ALMS1: variants seen among roughly 807,000 people sequenced by gnomAD.
ALMS1 encodes ALMS1 centrosome and basal body associated protein.
In ALMS1, 271 loss-of-function variants were observed where a neutral mutation model predicts 352.2. The ratio of observed to expected loss-of-function variants is 0.77; its 90% CI spans 0.70 to 0.85. The LOEUF is 0.85. ALMS1 is among the 40% of genes least tolerant of loss of function. The pLI is 0.00. For synonymous variants in ALMS1, 1,865 were observed against 1,761.2 expected, an observed-to-expected ratio of 1.06 and a Z score of -1.48; for missense variants, 5,445 against 4,870.7, an observed-to-expected ratio of 1.12 and a Z score of -3.51.
intron 4 of ALMS1, among the ~76,000 whole-genome samples, chr2:73,423,782 C>CT (rs1189442067): frequency 3.3e-4 from 49 of 148,476 alleles, no homozygotes; most frequent in African/African-American, 7.4e-4. Flanking sequence ...TGTTTGTTTG[C>CT]TTTTTTTTTT....
At chr2:73,401,204 C>G (rs187704572) in intron 1 of ALMS1, among the ~76,000 whole-genome samples, 6 of 152,236 alleles carry the variant, frequency 3.9e-5, no homozygotes, top group African/African-American at 1.4e-4. Context: ...CTGATTTTCT[C>G]TCTTTATTTG....
rs1558648623 is a variant in ALMS1 at position 73,449,926 on chromosome 2, GA to G, written c.3400del (p.Thr1134LeufsTer6). ...SVAPGLADQK[T>X]GTPTVTSTSY... Reference sequence around the variant, plus strand: ...TAGCTCCTGGACTAGCAGACCAGAAGACTGGCACACCAACTGTAACCTCAAC... The same window carrying G: ...TAGCTCCTGGACTAGCAGACCAGAAGCTGGCACACCAACTGTAACCTCAAC... On this transcript the variant is annotated frameshift_variant, in exon 8 of 23. Coordinates refer to ENST00000613296, the MANE Select transcript of ALMS1 (RefSeq NM_001378454.1). LOFTEE classifies it high-confidence loss of function. 6.2e-7 allele frequency: 1 copy of G among 1,613,750 alleles called. No individual in the cohort carries two copies. Among genetic ancestry groups the G allele is most frequent in the Non-Finnish European group, 8.5e-7 (1 of 1,179,954 alleles).
intron 7 of ALMS1, among the ~76,000 whole-genome samples, chr2:73,439,001 T>A (rs371293025): frequency 0.021 from 2,927 of 137,220 alleles, 106 homozygotes; most frequent in African/African-American, 0.079. Context: ...TTCTTCCTCT[T>A]CTTCCTCTCC....
chr2:73,392,260 ATG>A (rs60487895), intron 1 of ALMS1, among the ~76,000 whole-genome samples: 43,344 of 146,162 alleles, frequency 0.3, 7,868 homozygotes, highest in African/African-American at 0.53. Context: ...GTTTACTTTG[ATG>A]TGTGTGTGTG....
At chr2:73,402,796 A>G (rs938457595) in intron 1 of ALMS1, among the ~76,000 whole-genome samples, 2 of 152,126 alleles carry the variant, frequency 1.3e-5, no homozygotes, top group East Asian at 1.9e-4. Context: ...ATATCTTTTC[A>G]TATGCTGATT....
intron 7 of ALMS1, among the ~76,000 whole-genome samples, chr2:73,442,354 A>T (rs1319959178): frequency 6.6e-6 from 1 of 152,178 alleles, no homozygotes; most frequent in Non-Finnish European, 1.5e-5. Flanking sequence ...GGGCACTGCT[A>T]TTATTCTATT....
chr2:73,480,808 G>A (rs1166872810), intron 9 of ALMS1, among the ~76,000 whole-genome samples: 4 of 151,494 alleles, frequency 2.6e-5, no homozygotes, highest in Admixed American at 2.0e-4. Flanking sequence ...GTTTTGATTT[G>A]CATTTCTCTG....
intron 10 of ALMS1, among the ~76,000 whole-genome samples, chr2:73,510,131 A>T (rs988274337): frequency 6.6e-6 from 1 of 152,090 alleles, no homozygotes; most frequent in Admixed American, 6.5e-5. Flanking sequence ...CCTTTTATCA[A>T]TGTTCTTAGC....
intron 9 of ALMS1, among the ~76,000 whole-genome samples, chr2:73,485,743 C>T (rs184747754): frequency 3.0e-4 from 46 of 152,222 alleles, no homozygotes; most frequent in African/African-American, 9.9e-4. Context: ...GGGCCTAGGA[C>T]GCTCGGAGCC....
chr2:73,467,795 A>G (rs1672387271), intron 9 of ALMS1, among the ~76,000 whole-genome samples: 1 of 152,110 alleles, frequency 6.6e-6, no homozygotes, highest in South Asian at 2.1e-4. Flanking sequence ...CAACCTTGAA[A>G]GCTGTCACAC....
intron 15 of ALMS1, among the ~76,000 whole-genome samples, chr2:73,562,281 T>C (rs1429911792): frequency 6.6e-6 from 1 of 152,132 alleles, no homozygotes; most frequent in Non-Finnish European, 1.5e-5. Flanking sequence ...TCTTCCCACC[T>C]CAGCCTGTAG....
In ALMS1 at chr2:73,543,710, A is replaced by G. The variant is rs569264878; in HGVS notation, c.9908-6557A>G. On this transcript the variant is annotated intron_variant, in intron 12 of 22. Coordinates refer to ENST00000613296, the MANE Select transcript of ALMS1 (RefSeq NM_001378454.1). Reference sequence around the variant, plus strand: ...CCCCATCAACAAGTGGGCGAAGGATATGAACAGACACTTCTCAAAAGAAGA... The same window carrying G: ...CCCCATCAACAAGTGGGCGAAGGATGTGAACAGACACTTCTCAAAAGAAGA... Among the ~76,000 whole-genome samples, 4 of 152,370 alleles carry G rather than the reference A, an allele frequency of 2.6e-5. No individual in the cohort carries two copies. In the South Asian group the frequency reaches 6.2e-4, roughly 24 times the overall value.
intron 7 of ALMS1, among the ~76,000 whole-genome samples, chr2:73,445,501 C>T (rs10519309): frequency 0.059 from 8,999 of 152,006 alleles, 435 homozygotes; most frequent in East Asian, 0.22. Flanking sequence ...TGACTTGGAA[C>T]GATTACTAGT....
intron 9 of ALMS1, 47 bp from the exon 10 acceptor site, chr2:73,489,587 C>T: frequency 6.2e-7 from 1 of 1,604,736 alleles, no homozygotes; most frequent in Non-Finnish European, 8.5e-7. Flanking sequence ...TTGTTTATAA[C>T]TACTTGGACT....
chr2:73,402,604 C>T (rs974578314), intron 1 of ALMS1, among the ~76,000 whole-genome samples: 31 of 152,184 alleles, frequency 2.0e-4, no homozygotes, highest in African/African-American at 6.7e-4. Context: ...TACTGTTTTC[C>T]GCAATTGCTG....
At chr2:73,487,958 C>G (rs1347100331) in intron 9 of ALMS1, among the ~76,000 whole-genome samples, 1 of 152,218 alleles carries the variant, frequency 6.6e-6, no homozygotes, top group Non-Finnish European at 1.5e-5. Flanking sequence ...CTCTCCAAGT[C>G]TGGCTGAGTC....
chr2:73,545,326 A>G, intron 12 of ALMS1, among the ~76,000 whole-genome samples: 1 of 151,756 alleles, frequency 6.6e-6, no homozygotes, highest in East Asian at 1.9e-4. Flanking sequence ...GATTATAGGC[A>G]CCCACCACCA....
In ALMS1 at chr2:73,572,693, C is replaced by G; in HGVS notation, c.10816C>G (p.Arg3606Gly). 1 of 1,614,014 alleles carries G rather than the reference C, an allele frequency of 6.2e-7. No individual in the cohort carries two copies. Among genetic ancestry groups the G allele is most frequent in the Non-Finnish European group, 8.5e-7 (1 of 1,179,974 alleles). Residue 3606 changes from arginine (R) to glycine (G), a missense_variant, in exon 16 of 23, where the codon CGG becomes GGG. Coordinates refer to ENST00000613296, the MANE Select transcript of ALMS1 (RefSeq NM_001378454.1). Reference protein sequence around the residue: ...VSLNELWNKYRERQRQQRQPE... With the variant: ...VSLNELWNKYGERQRQQRQPE... ...TTTGAATGAACTGTGGAACAAGTAT[C>G]GGGAGCGACAGAGGCAACAGAGACA...
intron 13 of ALMS1, among the ~76,000 whole-genome samples, chr2:73,555,604 A>T (rs1348041488): frequency 6.6e-6 from 1 of 152,204 alleles, no homozygotes; most frequent in Non-Finnish European, 1.5e-5. Flanking sequence ...TATAATAAAT[A>T]TGCCATTATT....
Sources: gnomAD v4.1 joint callset for allele counts (sites outside exome capture counted in the v4.1 genomes callset) on GRCh38, gnomAD v4.1.1 for gene constraint, MANE v1.5 for transcripts, NCBI Gene and HGNC (gene_info 2026-07-23, HGNC 2026-07-21) for gene names.